TAOK3: variants seen among roughly 807,000 people sequenced by gnomAD.
The protein encoded by TAOK3 is TAO kinase 3.
Under a neutral mutation model 120.4 loss-of-function variants are expected in TAOK3, and 40 were observed. The ratio of observed to expected loss-of-function variants is 0.33; its 90% confidence interval spans 0.26 to 0.43. The LOEUF is 0.43. TAOK3 is among the 20% of genes least tolerant of loss of function. The pLI is 1.00. For missense variants in TAOK3, 821 were observed against 1,112.1 expected (o/e 0.74, Z 3.72); for synonymous variants, 355 against 387.5 (o/e 0.92, Z 0.99).
At chr12:118,323,332 G>A (rs1355110436) in intron 1 of TAOK3, among the ~76,000 whole-genome samples, 1 of 152,002 alleles carries the variant, frequency 6.6e-6, no homozygotes, top group Non-Finnish European at 1.5e-5. Flanking sequence ...TCAGGGTAAG[G>A]ATAAATTTCT....
chr12:118,282,064 G>A (rs749036241), intron 1 of TAOK3, among the ~76,000 whole-genome samples: 3 of 152,162 alleles, frequency 2.0e-5, no homozygotes, highest in African/African-American at 4.8e-5. Context: ...AAAATGGAAT[G>A]TTTTCTAGAA....
rs745856259 is a variant in TAOK3, at chr12:118,172,653, T to C, written c.1703A>G (p.Asn568Ser). 2.1e-5 allele frequency: 34 copies of C among 1,614,114 alleles called. No individual in the cohort carries two copies. The highest frequency in any genetic ancestry group is 2.7e-5 in the Non-Finnish European group (32 of 1,179,968). ...ICKEKIKEEM[N>S]EDHSTPKKEK... ...TTTCTTGGGTGTGCTATGGTCCTCA[T>C]TCATTTCCTAAAAAGAACAGACAAA... is the stretch of plus-strand genomic sequence containing the variant. The change falls in exon 17 of 21, where the codon AAT becomes AGT. Residue 568 changes from asparagine (N) to serine (S), a missense_variant. This residue lies in a region of TAOK3 where 354 missense variants were observed against 572.1 expected (regional missense o/e 0.62). Coordinates refer to ENST00000392533, the MANE Select transcript of TAOK3 (RefSeq NM_016281.4).
At chr12:118,269,077 C>T (rs1251524170) in intron 1 of TAOK3, among the ~76,000 whole-genome samples, 1 of 150,404 alleles carries the variant, frequency 6.6e-6, no homozygotes, top group Non-Finnish European at 1.5e-5. Context: ...AATAAGGCAT[C>T]TTACAAATCA....
intron 1 of TAOK3, among the ~76,000 whole-genome samples, chr12:118,339,973 T>C (rs759864518): frequency 6.6e-6 from 1 of 152,230 alleles, no homozygotes; most frequent in Non-Finnish European, 1.5e-5. Context: ...AAATTATTAA[T>C]ATCTTAACCA....
chr12:118,267,292 T>TCCCAGGTTCAA (rs2041492694), intron 1 of TAOK3, among the ~76,000 whole-genome samples: 3 of 152,032 alleles, frequency 2.0e-5, no homozygotes. Context: ...CTCGGCTCAC[T>TCCCAGGTTCAA]GCAACCTCTA....
In TAOK3 at chr12:118,160,290, T is replaced by G. The variant is rs376008090; in HGVS notation, c.2208A>C (p.Ala736=). ...TAACTTCCAACTGGTGATTCTTGAG[T>G]GCTTTATACTGTTTGGTCTGTACTT... ...TCKVQTKQYK[A]LKNHQLEVTP... Residue 736 remains alanine (A), a synonymous_variant, in exon 19 of 21, where the codon GCA becomes GCC. Transcript: ENST00000392533. This position sits in a 1 kb window ranked among gnomAD's most constrained non-coding sequence, Gnocchi z 4.2. The G allele has an allele frequency of 1.5e-5, 24 of 1,614,112 alleles. No homozygotes were observed. The highest frequency in any genetic ancestry group is 1.9e-5 in the Non-Finnish European group (23 of 1,180,042).
At chr12:118,338,495 CAG>C (rs1448674201) in intron 1 of TAOK3, among the ~76,000 whole-genome samples, 1 of 151,952 alleles carries the variant, frequency 6.6e-6, no homozygotes, top group African/African-American at 2.4e-5. Flanking sequence ...TTTATGAAAA[CAG>C]AGGAAGTGGG....
intron 12 of TAOK3, 196 bp downstream of exon 12, chr12:118,201,100 C>T: frequency 2.0e-6 from 1 of 497,038 alleles, no homozygotes; most frequent in Admixed American, 3.4e-5. Flanking sequence ...AATGGGGTTA[C>T]ACCTCTGTAG....
chr12:118,240,475 G>A (rs77397476), intron 5 of TAOK3, among the ~76,000 whole-genome samples: 8,180 of 151,740 alleles, frequency 0.054, 453 homozygotes, highest in East Asian at 0.25. Context: ...CACCGTGCCC[G>A]GCCTCTTTCT....
At chr12:118,231,441 T>G (rs984685058) in intron 9 of TAOK3, among the ~76,000 whole-genome samples, 3 of 151,966 alleles carry the variant, frequency 2.0e-5, no homozygotes, top group African/African-American at 7.2e-5. Context: ...CTTTATCATA[T>G]GTTGTTTTGT....
At position 118,347,106 on chromosome 12, in the gene TAOK3, G is replaced by A. The variant is rs1233045321; in HGVS notation, c.-194+25542C>T. Reference sequence around the variant, plus strand: ...TGAAGCCTTGACTGCCCGTGCTCAAGTGATCCTCCACCTCAGCCTCCTGAG... The same window carrying A: ...TGAAGCCTTGACTGCCCGTGCTCAAATGATCCTCCACCTCAGCCTCCTGAG... On this transcript the variant is annotated intron_variant, in intron 1 of 20. Transcript: ENST00000392533. Among the ~76,000 whole-genome samples the A allele has an allele frequency of 7.2e-5, 11 of 152,102 alleles. No homozygotes were observed. The South Asian group carries it at 1.9e-3, about 26-fold the overall frequency.
At chr12:118,156,455 C>G (rs1422254713) in intron 19 of TAOK3, among the ~76,000 whole-genome samples, 2 of 152,044 alleles carry the variant, frequency 1.3e-5, no homozygotes, top group African/African-American at 4.8e-5. Flanking sequence ...GGGCCCTCTT[C>G]TTCCTCTAAC....
At chr12:118,289,151 A>G (rs933368048) in intron 1 of TAOK3, among the ~76,000 whole-genome samples, 2 of 151,646 alleles carry the variant, frequency 1.3e-5, no homozygotes, top group African/African-American at 4.8e-5. Context: ...AAATACAAAA[A>G]TTAGCTGGGT....
chr12:118,178,452 G>A (rs532928994), intron 15 of TAOK3, among the ~76,000 whole-genome samples: 4 of 152,070 alleles, frequency 2.6e-5, no homozygotes, highest in African/African-American at 9.6e-5. Context: ...GAACGCTAAC[G>A]GCATTTTGTT....
chr12:118,170,514 C>T (rs1484526316), intron 17 of TAOK3, among the ~76,000 whole-genome samples: 1 of 152,126 alleles, frequency 6.6e-6, no homozygotes, highest in Admixed American at 6.6e-5. Context: ...GTAATCTCCA[C>T]ACTTTGGGAG....
chr12:118,172,521 C>T lies in TAOK3; in HGVS notation c.1835G>A (p.Cys612Tyr). Reference sequence around the variant, plus strand: ...CATTATTTTCCGCTTGAAGAAACGACAATTTTTGTCGTAGTACAGTCTCTG... The same window carrying T: ...CATTATTTTCCGCTTGAAGAAACGATAATTTTTGTCGTAGTACAGTCTCTG... The part of the protein sequence containing the change: ...TQQRLYYDKN[C>Y]RFFKRKIMIK... Residue 612 changes from cysteine to tyrosine, a missense_variant, in exon 17 of 21, where the codon TGT (cysteine) becomes TAT (tyrosine). This residue lies in a region of TAOK3 where 354 missense variants were observed against 572.1 expected (regional missense o/e 0.62). Transcript: ENST00000392533. The T allele has an allele frequency of 1.2e-6, 2 of 1,614,146 alleles. No individual in the cohort carries two copies. Among genetic ancestry groups the T allele is most frequent in the Non-Finnish European group, 1.7e-6 (2 of 1,180,022 alleles).
At chr12:118,193,051 T>TG (rs1181565225) in intron 13 of TAOK3, among the ~76,000 whole-genome samples, 13 of 141,974 alleles carry the variant, frequency 9.2e-5, no homozygotes, top group Admixed American at 2.8e-4. Context: ...ACGTTGTTGT[T>TG]TTTTTTTTTT....
chr12:118,243,736 G>A (rs2040354928), intron 4 of TAOK3, among the ~76,000 whole-genome samples: 1 of 152,190 alleles, frequency 6.6e-6, no homozygotes, highest in Admixed American at 6.5e-5. Context: ...GACTGCAGTG[G>A]CACGATCTCG....
rs61945174 is a variant in TAOK3, at chr12:118,199,182, C to T, written c.1063G>A (p.Val355Met). ...CTGCTGCTCTGGCTGCCTGTGCTCA[C>T]GGACATGCTTGGAATGGAATGGTTG... Reference protein sequence around the residue: ...GSNHSIPSMSVSTGSQSSSVN... With the variant: ...GSNHSIPSMSMSTGSQSSSVN... Residue 355 changes from valine to methionine, a missense_variant, in exon 13 of 21, where the codon GTG becomes ATG. Physicochemically the swap from Val to Met is conservative, Grantham distance 21. Transcript: ENST00000392533. 106 of 1,614,004 alleles carry T rather than the reference C, an allele frequency of 6.6e-5. No individual in the cohort carries two copies. Among genetic ancestry groups the T allele is most frequent in the Non-Finnish European group, 8.3e-5 (98 of 1,180,008 alleles).
Sources: gnomAD v4.1 joint callset for allele counts (sites outside exome capture counted in the v4.1 genomes callset) on GRCh38, gnomAD v4.1.1 for gene constraint, gnomAD v4.1.1 regional missense constraint, Gnocchi (gnomAD v3.1) non-coding constraint, MANE v1.5 for transcripts, NCBI Gene and HGNC (gene_info 2026-07-23, HGNC 2026-07-21) for gene names.